The following GLYR1 variants were observed in gnomAD, a reference collection of about 807,000 sequenced individuals.
The protein encoded by GLYR1 is cytokine-like nuclear factor N-PAC.
Under a neutral mutation model 72.7 loss-of-function variants are expected in GLYR1, and 21 were observed. The ratio of observed to expected loss-of-function variants is 0.29; its 90% CI spans 0.20 to 0.42. The LOEUF is 0.42. Ranked by LOEUF, GLYR1 falls within the 10% of genes least tolerant of loss-of-function variation. The pLI, the probability that GLYR1 is intolerant of heterozygous loss-of-function variation, is 1.00. For synonymous variants in GLYR1, 392 were observed against 270.2 expected, an observed-to-expected ratio of 1.45 and a Z score of -4.42; for missense variants, 594 against 712.1, an observed-to-expected ratio of 0.83 and a Z score of 1.89.
intron 15 of GLYR1, among the ~76,000 whole-genome samples, chr16:4,807,860 G>A (rs928888652): frequency 6.6e-6 from 1 of 152,314 alleles, no homozygotes; most frequent in East Asian, 1.9e-4. Context: ...GAACAGGGGG[G>A]ACTTGAAATA....
intron 8 of GLYR1, 32 bp from the exon 9 acceptor site, chr16:4,821,485 G>C: frequency 1.2e-6 from 2 of 1,614,052 alleles, no homozygotes; most frequent in Non-Finnish European, 1.7e-6. Context: ...CATCAAGTCA[G>C]TCTGCCTGCA....
chr16:4,837,932 A>AACATAAAT (rs766462427), intron 3 of GLYR1, among the ~76,000 whole-genome samples: 5 of 142,422 alleles, frequency 3.5e-5, no homozygotes, highest in Admixed American at 2.8e-4. Flanking sequence ...TCCATCTCAA[A>AACATAAAT]AAATAAATAA....
Position 4,832,028 on chromosome 16 carries a change from G to A in GLYR1, c.488C>T (p.Ala163Val), listed in dbSNP as rs1311957862. ...ERGSKSPLKR[A>V]QEQSPRKRGR... ...CCGCTTCCGGGGACTTTGCTCTTGG[G>A]CTCTTTTCAGAGGGGATTTGGAGCC... Residue 163 changes from alanine (A) to valine (V), a missense_variant, in exon 5 of 16, where the codon GCC becomes GTC. Ala to Val is a moderately conservative substitution (Grantham distance 64). Around this residue, in one of 5 missense-constraint regions of GLYR1, gnomAD observed 252 missense variants for 211.3 expected, o/e 1.19. Coordinates refer to ENST00000321919, the MANE Select transcript of GLYR1 (RefSeq NM_032569.4). 6.2e-7 allele frequency: 1 copy of A among 1,614,052 alleles called. No homozygotes were observed. Among genetic ancestry groups the A allele is most frequent in the Non-Finnish European group, 8.5e-7 (1 of 1,180,038 alleles).
chr16:4,841,168 T>C (rs989456441), intron 3 of GLYR1, among the ~76,000 whole-genome samples: 1 of 152,142 alleles, frequency 6.6e-6, no homozygotes, highest in Non-Finnish European at 1.5e-5. Flanking sequence ...ACCACCACCA[T>C]CCAGGCTATT....
chr16:4,835,207 C>T (rs1596385595), intron 3 of GLYR1, among the ~76,000 whole-genome samples: 1 of 152,098 alleles, frequency 6.6e-6, no homozygotes, highest in South Asian at 2.1e-4. Context: ...CCATCCCTGC[C>T]TCCCACTACC....
chr16:4,822,617 C>A (rs1421131691), intron 7 of GLYR1, among the ~76,000 whole-genome samples: 3 of 152,172 alleles, frequency 2.0e-5, no homozygotes, highest in Non-Finnish European at 4.4e-5. Flanking sequence ...TCTTGAATCC[C>A]TAACCTCATG....
chr16:4,829,511 G>A (rs1596366648), intron 5 of GLYR1, among the ~76,000 whole-genome samples: 1 of 151,698 alleles, frequency 6.6e-6, no homozygotes, highest in South Asian at 2.1e-4. Context: ...TTTTGAGACA[G>A]GGTCTCGCTG....
chr16:4,807,099 C>T (rs1236663355), intron 15 of GLYR1, among the ~76,000 whole-genome samples: 1 of 147,614 alleles, frequency 6.8e-6, no homozygotes, highest in Non-Finnish European at 1.5e-5. Flanking sequence ...AGCCACTGCG[C>T]CTGGCCCCTT....
intron 12 of GLYR1, 44 bp downstream of exon 12, chr16:4,813,693 T>C (rs532482588): frequency 2.7e-6 from 4 of 1,505,796 alleles, no homozygotes; most frequent in Middle Eastern, 1.7e-4. Context: ...TCTTGGGCTC[T>C]GATAGAAAAG....
intron 3 of GLYR1, among the ~76,000 whole-genome samples, chr16:4,842,154 G>A (rs1264350835): frequency 6.6e-6 from 1 of 151,524 alleles, no homozygotes; most frequent in Non-Finnish European, 1.5e-5. Flanking sequence ...TGAGGCAGGA[G>A]AATGGCATGA....
Position 4,805,004 on chromosome 16 carries a change from C to T in GLYR1, c.*232G>A, listed in dbSNP as rs1021672636. 1.8e-6 allele frequency: 1 copy of T among 569,582 alleles called. No homozygotes were observed. The highest frequency in any genetic ancestry group is 3.2e-6 in the Non-Finnish European group (1 of 315,932). The allele number at this position is 569,582 out of a possible 1,614,324, so 35.3% of individuals were successfully genotyped here. ...AGCCACCTCGTCCGGGGGGCCAGTG[C>T]CCAGCTCAAGAGCTTTCCCACACGC... On this transcript the variant is annotated 3_prime_UTR_variant, in exon 16 of 16. Transcript: ENST00000321919.
In GLYR1 at chr16:4,811,255, T is replaced by C. The variant is rs758293728; in HGVS notation, c.1502A>G (p.Lys501Arg). The C allele has an allele frequency of 6.2e-7, 1 of 1,614,188 alleles. No individual in the cohort carries two copies. The highest frequency in any genetic ancestry group is 1.1e-5 in the South Asian group (1 of 91,084). ...TAAGCGGAGATCCTTCTGAATGTAT[T>C]TCAGGTAGAAATCAGGCTTAAAGTT... ...QGNFKPDFYL[K>R]YIQKDLRLAI... Residue 501 changes from lysine (K) to arginine (R), a missense_variant, in exon 15 of 16, where the codon AAA (lysine) becomes AGA (arginine). Transcript: ENST00000321919.
chr16:4,812,963 ATTT>A (rs777147624), intron 12 of GLYR1, among the ~76,000 whole-genome samples: 1 of 98,446 alleles, frequency 1.0e-5, no homozygotes. Flanking sequence ...TGCCTGGCTA[ATTT>A]TTTTTTTTTT....
chr16:4,805,803 CCTT>C (rs1268272026), intron 15 of GLYR1, among the ~76,000 whole-genome samples: 1 of 151,730 alleles, frequency 6.6e-6, no homozygotes, highest in African/African-American at 2.4e-5. Flanking sequence ...TCGTGAAACC[CCTT>C]CTTTAAAAAA....
intron 1 of GLYR1, 139 bp from the exon 2 acceptor site, chr16:4,846,349 C>G (rs2086058471): frequency 1.1e-6 from 1 of 894,572 alleles, no homozygotes. Flanking sequence ...TAGCTGGGCC[C>G]AACACCCTCA....
chr16:4,833,710 G>A (rs1334517754), intron 3 of GLYR1, among the ~76,000 whole-genome samples: 1 of 151,990 alleles, frequency 6.6e-6, no homozygotes, highest in Admixed American at 6.6e-5. Context: ...CCTCCGATAT[G>A]TAATTTTTAA....
At chr16:4,824,034 G>A (rs1422987271) in intron 5 of GLYR1, 127 bp from the exon 6 acceptor site, 3 of 648,480 alleles carry the variant, frequency 4.6e-6, no homozygotes, top group East Asian at 5.6e-5. Context: ...CGTCCCTCGG[G>A]AGAAACAAGC....
rs1371974627 is a variant in GLYR1 at position 4,821,396 on chromosome 16, T to A, written c.790A>T (p.Thr264Ser). 2 of 1,613,072 alleles carry A rather than the reference T, an allele frequency of 1.2e-6. No homozygotes were observed. Among genetic ancestry groups the A allele is most frequent in the Non-Finnish European group, 1.7e-6 (2 of 1,180,042 alleles). Reference protein sequence around the residue: ...ADSTAVNGSITPTDKKIGFLG... With the variant: ...ADSTAVNGSISPTDKKIGFLG... ...AGGTCCTACTTTTTGTCTGTGGGTG[T>A]GATGCTGCCATTCACGGCTGTGCTG... The change falls in exon 9 of 16, where the codon ACA becomes TCA. Residue 264 changes from threonine to serine, a missense_variant. Around this residue, in one of 5 missense-constraint regions of GLYR1, gnomAD observed 266 missense variants for 358.4 expected, o/e 0.74. Coordinates refer to ENST00000321919, the MANE Select transcript of GLYR1 (RefSeq NM_032569.4).
chr16:4,812,336 G>A (rs2083365201), intron 12 of GLYR1, 88 bp from the exon 13 acceptor site: 3 of 1,412,174 alleles, frequency 2.1e-6, no homozygotes, highest in Non-Finnish European at 2.8e-6. Context: ...AGTGGCCACG[G>A]CTGCTCATCA....
Sources: gnomAD v4.1 joint callset for allele counts (sites outside exome capture counted in the v4.1 genomes callset) on GRCh38, gnomAD v4.1.1 for gene constraint, gnomAD v4.1.1 regional missense constraint, MANE v1.5 for transcripts, NCBI Gene and HGNC (gene_info 2026-07-23, HGNC 2026-07-21) for gene names.